Variants in CCND1 observed in about 807,000 individuals in gnomAD.
CCND1 encodes G1/S-specific cyclin-D1.
Under a neutral mutation model 26.1 loss-of-function variants are expected in CCND1, and 9 were observed. The observed-to-expected ratio is 0.35, with a 90% CI of 0.21 to 0.60. The LOEUF (loss-of-function observed/expected upper bound fraction) is 0.60. Among genes scored for constraint, CCND1 ranks in the 20% least tolerant of loss-of-function variants. The pLI, the probability that CCND1 is intolerant of heterozygous loss-of-function variation, is 0.79. For synonymous variants in CCND1, 194 were observed against 166.1 expected (o/e 1.17, Z -1.29); for missense variants, 335 against 392.9 (o/e 0.85, Z 1.25).
intron 3 of CCND1, among the ~76,000 whole-genome samples, chr11:69,645,144 T>C (rs577114709): frequency 6.6e-6 from 1 of 152,232 alleles, no homozygotes; most frequent in Non-Finnish European, 1.5e-5. Flanking sequence ...CAGATGAAGA[T>C]GCCAAGGATG....
At chr11:69,646,122 C>T (rs1855775324) in intron 3 of CCND1, among the ~76,000 whole-genome samples, 2 of 152,182 alleles carry the variant, frequency 1.3e-5, no homozygotes, top group African/African-American at 4.8e-5. Context: ...GTGTGTGCCC[C>T]TGGAGACGGG....
At chr11:69,650,605 C>T (rs562630687) in intron 4 of CCND1, among the ~76,000 whole-genome samples, 80 of 152,336 alleles carry the variant, frequency 5.3e-4, no homozygotes, top group African/African-American at 1.9e-3. Context: ...TCCAGGTCCC[C>T]CTGGCCACCC....
chr11:69,642,822 G>C (rs1565224899), intron 1 of CCND1, among the ~76,000 whole-genome samples: 1 of 152,078 alleles, frequency 6.6e-6, no homozygotes, highest in Admixed American at 6.5e-5. Flanking sequence ...CCAGCCTCGC[G>C]GGGACTTTCC....
At chr11:69,650,059 C>T (rs565058536) in intron 4 of CCND1, among the ~76,000 whole-genome samples, 2 of 152,326 alleles carry the variant, frequency 1.3e-5, no homozygotes, top group Middle Eastern at 3.4e-3. Flanking sequence ...GTCGTTCTGG[C>T]CTGGGTCATC....
At position 69,653,458 on chromosome 11, in the gene CCND1, G is replaced by A; in HGVS notation, c.*2176G>A. The A allele has an allele frequency of 1.7e-6, 1 of 598,060 alleles. No homozygotes were observed. Among genetic ancestry groups the A allele is most frequent in the Non-Finnish European group, 2.9e-6 (1 of 343,758 alleles). The allele number at this position is 598,060 out of a possible 1,614,324, so 37.0% of individuals were successfully genotyped here. A position where few individuals can be genotyped will look rare whatever the true frequency, so the allele number is the denominator to read the frequency against. On this transcript the variant is annotated 3_prime_UTR_variant, in exon 5 of 5. Transcript: ENST00000227507. ...TATGTGATCAATTTTGACTTAATGT[G>A]ATTACTGCTCTATTCCAAAAAGGTT...
intron 2 of CCND1, chr11:69,643,587 C>G (rs1188986221): frequency 2.1e-6 from 1 of 472,630 alleles, no homozygotes; most frequent in Non-Finnish European, 3.7e-6. Context: ...TTTGTTTCCA[C>G]TTGCAGAGTC....
At position 69,652,105 on chromosome 11, in the gene CCND1, G is replaced by A. The variant is rs140469724; in HGVS notation, c.*823G>A. 6.0e-5 allele frequency: 14 copies of A among 233,274 alleles called. No individual in the cohort carries two copies. Among genetic ancestry groups the A allele is most frequent in the Non-Finnish European group, 1.0e-4 (12 of 118,008 alleles). The allele number at this position is 233,274 out of a possible 1,614,324, so 14.5% of individuals were successfully genotyped here. On this transcript the variant is annotated 3_prime_UTR_variant, in exon 5 of 5. Coordinates refer to ENST00000227507, the MANE Select transcript of CCND1 (RefSeq NM_053056.3). ...GCCACCTGTCCCACTCCTACGATAC[G>A]CTACTATAAAGAGAAGACGAAATAG...
chr11:69,648,129 T>C lies in CCND1; in HGVS notation c.710T>C (p.Ile237Thr), dbSNP rs2120110120. 1 of 1,613,836 alleles carries C rather than the reference T, an allele frequency of 6.2e-7. No individual in the cohort carries two copies. ...CTCACACGCTTCCTCTCCAGAGTGA[T>C]CAAGTGTGACCCGGTAAGTGAGGGT... ...YRLTRFLSRV[I>T]KCDPDCLRAC... The change falls in exon 4 of 5, where the codon ATC (isoleucine) becomes ACC (threonine). Residue 237 changes from isoleucine (I) to threonine (T), a missense_variant. Ile to Thr is a moderately conservative substitution (Grantham distance 89). Transcript: ENST00000227507.
At chr11:69,645,316 G>C (rs1478338226) in intron 3 of CCND1, among the ~76,000 whole-genome samples, 1 of 152,188 alleles carries the variant, frequency 6.6e-6, no homozygotes, top group Non-Finnish European at 1.5e-5. Flanking sequence ...TGGAGAGAAC[G>C]TGGGGCGTGG....
At position 69,651,303 on chromosome 11, in the gene CCND1, C is replaced by G. The variant is rs1855852827; in HGVS notation, c.*21C>G. ...TCTGAGGGCGCCAGGCAGGCGGGCG[C>G]CACCGCCACCCGCAGCGAGGGCGGA... On this transcript the variant is annotated 3_prime_UTR_variant, in exon 5 of 5. Transcript: ENST00000227507. 1 of 1,447,216 alleles carries G rather than the reference C, an allele frequency of 6.9e-7. No individual in the cohort carries two copies. Among genetic ancestry groups the G allele is most frequent in the African/African-American group, 1.5e-5 (1 of 68,212 alleles). The allele number at this position is 1,447,216 out of a possible 1,614,324, so 89.6% of individuals were successfully genotyped here.
In CCND1 at chr11:69,653,142, T is replaced by A. The variant is rs939020900; in HGVS notation, c.*1860T>A. On this transcript the variant is annotated 3_prime_UTR_variant, in exon 5 of 5. Coordinates refer to ENST00000227507, the MANE Select transcript of CCND1 (RefSeq NM_053056.3). ...GGTGGCAAGAGTGTGGAGGCTGACG[T>A]GTGAGGGAGGACAGGCGGGAGGAGG... The A allele has an allele frequency of 1.7e-6, 1 of 592,636 alleles. No individual in the cohort carries two copies. Among genetic ancestry groups the A allele is most frequent in the Non-Finnish European group, 3.0e-6 (1 of 334,990 alleles). 36.7% of individuals were successfully genotyped at this position (592,636 alleles called of 1,614,324 possible).
At chr11:69,647,832 G>C (rs541020489) in intron 3 of CCND1, 162 bp from the exon 4 acceptor site, 21 of 735,764 alleles carry the variant, frequency 2.9e-5, no homozygotes, top group African/African-American at 2.1e-4. Context: ...CCCAGGGATG[G>C]CTGGAGGCTG....
Position 69,643,257 on chromosome 11 carries a change from G to A in CCND1, c.414+11G>A, listed in dbSNP as rs1693829479. ...CCCGAGGAGCTGCTGGTAACCACTG[G>A]ACCCCGCCGCCCCCCGCCCCCCGCG... is the stretch of plus-strand genomic sequence containing the variant. On this transcript the variant is annotated intron_variant, in intron 2 of 4. Coordinates refer to ENST00000227507, the MANE Select transcript of CCND1 (RefSeq NM_053056.3). 7.1e-6 allele frequency: 11 copies of A among 1,549,680 alleles called. No homozygotes were observed. Among genetic ancestry groups the A allele is most frequent in the South Asian group, 1.2e-5 (1 of 84,300 alleles).
chr11:69,653,045 T>C lies in CCND1; in HGVS notation c.*1763T>C. 1 of 500,992 alleles carries C rather than the reference T, an allele frequency of 2.0e-6. No individual in the cohort carries two copies. Among genetic ancestry groups the C allele is most frequent in the Non-Finnish European group, 3.5e-6 (1 of 285,850 alleles). 31.0% of individuals were successfully genotyped at this position (500,992 alleles called of 1,614,324 possible). A position where few individuals can be genotyped will look rare whatever the true frequency, so the allele number is the denominator to read the frequency against. ...CTGCCCCTTCCTTTAAAAAACTTAG[T>C]GACAAAATAGACAATTTGCACATCT... On this transcript the variant is annotated 3_prime_UTR_variant, in exon 5 of 5. Transcript: ENST00000227507.
At chr11:69,648,805 GGGGCTGGGT>G (rs1365950095) in intron 4 of CCND1, among the ~76,000 whole-genome samples, 7 of 152,210 alleles carry the variant, frequency 4.6e-5, no homozygotes, top group Non-Finnish European at 5.9e-5. Context: ...ACCCCAGCTT[GGGGCTGGGT>G]GGGCCTGCAA....
intron 1 of CCND1, 41 bp from the exon 2 acceptor site, chr11:69,642,990 G>T (rs2120087493): frequency 6.9e-7 from 1 of 1,447,370 alleles, no homozygotes; most frequent in Admixed American, 2.2e-5. Context: ...GGGGGGCGGC[G>T]CGACCTGGCG....
In CCND1 at chr11:69,654,004, G is replaced by A; in HGVS notation, c.*2722G>A. 1.7e-6 allele frequency: 1 copy of A among 597,182 alleles called. No homozygotes were observed. Among genetic ancestry groups the A allele is most frequent in the Non-Finnish European group, 3.0e-6 (1 of 335,026 alleles). 37.0% of individuals were successfully genotyped at this position (597,182 alleles called of 1,614,324 possible). On this transcript the variant is annotated 3_prime_UTR_variant, in exon 5 of 5. Coordinates refer to ENST00000227507, the MANE Select transcript of CCND1 (RefSeq NM_053056.3). The surrounding 1 kb of genome is among the most constrained non-coding windows in gnomAD (Gnocchi z 6.3). ...CCAGCTCACAGTGCTGTGTGCCCCG[G>A]TCACCTAGCAAGCTGCCGAACCAAA...
Position 69,654,358 on chromosome 11 carries a change from C to G in CCND1, c.*3076C>G, listed in dbSNP as rs533078965. ...GGGTCTGGGCGGCGGGCGGCTGGGT[C>G]TGTGCATTTCTGGTTGCACCGCGGC... On this transcript the variant is annotated 3_prime_UTR_variant, in exon 5 of 5. Coordinates refer to ENST00000227507, the MANE Select transcript of CCND1 (RefSeq NM_053056.3). This position sits in a 1 kb window ranked among gnomAD's most constrained non-coding sequence, Gnocchi z 6.3. The G allele has an allele frequency of 4.3e-6, 3 of 702,374 alleles. No individual in the cohort carries two copies. The highest frequency in any genetic ancestry group is 2.3e-4 in the Middle Eastern group (1 of 4,370). 43.5% of individuals were successfully genotyped at this position (702,374 alleles called of 1,614,324 possible).
chr11:69,643,676 C>T (rs1855741234), intron 2 of CCND1, 156 bp from the exon 3 acceptor site: 3 of 648,286 alleles, frequency 4.6e-6, no homozygotes, highest in African/African-American at 1.8e-5. Flanking sequence ...CCAGCATTCG[C>T]CAGCCCTCCC....
Sources: gnomAD v4.1 joint callset for allele counts (sites outside exome capture counted in the v4.1 genomes callset) on GRCh38, gnomAD v4.1.1 for gene constraint, Gnocchi (gnomAD v3.1) non-coding constraint, MANE v1.5 for transcripts, NCBI Gene and HGNC (gene_info 2026-07-23, HGNC 2026-07-21) for gene names.